The following PCDHGB3 variants were observed in gnomAD, a reference collection of about 807,000 sequenced individuals.
PCDHGB3 encodes the protein protocadherin gamma-B3.
A neutral mutation model predicts 59.2 loss-of-function variants in PCDHGB3; 40 were observed. That is an observed-to-expected ratio of 0.68 (90% CI 0.52 to 0.88). PCDHGB3 has a LOEUF of 0.88. Among genes scored for constraint, PCDHGB3 ranks in the 40% least tolerant of loss-of-function variants. The pLI is 0.00. For synonymous variants in PCDHGB3, 581 were observed against 503.6 expected (o/e 1.15, Z -2.06); for missense variants, 1,309 against 1,187.9 (o/e 1.10, Z -1.50).
chr5:141,431,858 G>T lies in PCDHGB3; in HGVS notation c.2415+59049G>T, dbSNP rs1421209596. On this transcript the variant is annotated intron_variant, in intron 1 of 3. Coordinates refer to ENST00000576222, the MANE Select transcript of PCDHGB3 (RefSeq NM_018924.5). This position sits in a 1 kb window ranked among gnomAD's most constrained non-coding sequence, Gnocchi z 4.8. ...AAACTCTCCCAGAGGGACATTAATTGCCCTTTTAAATGTAAATGACCAAGA... is the reference window on the plus strand; with the variant it reads ...AAACTCTCCCAGAGGGACATTAATTTCCCTTTTAAATGTAAATGACCAAGA... 6.8e-6 allele frequency: 11 copies of T among 1,614,080 alleles called. No homozygotes were observed. The highest frequency in any genetic ancestry group is 8.5e-6 in the Non-Finnish European group (10 of 1,180,028).
chr5:141,389,356 C>T lies in PCDHGB3; in HGVS notation c.2415+16547C>T, dbSNP rs188323445. 2.1e-5 allele frequency: 34 copies of T among 1,613,916 alleles called. No homozygotes were observed. The Middle Eastern group carries it at 1.6e-3, about 78-fold the overall frequency. ...GGCCAAGTCTCTTACTGCATCATGG[C>T]CAGTGACCTGGAGCAGCGGGAGCTG... On this transcript the variant is annotated intron_variant, in intron 1 of 3. Transcript: ENST00000576222.
At chr5:141,412,906 T>G in intron 1 of PCDHGB3, 1 of 384,208 alleles carries the variant, frequency 2.6e-6, no homozygotes, top group Non-Finnish European at 4.6e-6. Context: ...TTCCATTGCA[T>G]GTATCACTTG....
chr5:141,390,392 C>A, intron 1 of PCDHGB3: 1 of 1,390,890 alleles, frequency 7.2e-7, no homozygotes. Flanking sequence ...TGTCATGGAT[C>A]ATTTTAGGAA....
At position 141,493,841 on chromosome 5, in the gene PCDHGB3, T is replaced by C. The variant is rs774682943; in HGVS notation, c.2416-966T>C. On this transcript the variant is annotated intron_variant, in intron 1 of 3. Transcript: ENST00000576222. The surrounding 1 kb of genome is among the most constrained non-coding windows in gnomAD (Gnocchi z 4.3). ...CTCTGCTTCTGGGAGCAAGTATGAGTATTAATTACCAGCCCACCCCAGAAC... is the reference window on the plus strand; with the variant it reads ...CTCTGCTTCTGGGAGCAAGTATGAGCATTAATTACCAGCCCACCCCAGAAC... Among the ~76,000 whole-genome samples the C allele has an allele frequency of 3.3e-5, 5 of 152,140 alleles. No homozygotes were observed. In the East Asian group the frequency reaches 9.7e-4, roughly 29 times the overall value.
intron 1 of PCDHGB3, chr5:141,399,313 A>C: frequency 6.2e-7 from 1 of 1,613,952 alleles, no homozygotes; most frequent in Non-Finnish European, 8.5e-7. Flanking sequence ...TTCATCCAAA[A>C]ATTCGTATAA....
chr5:141,477,970 T>G lies in PCDHGB3; in HGVS notation c.2416-16837T>G. ...TCTTGGGATCCCCTAACCAGAGCCTTTTTGCCATAGGGCTGCACACTGGTC... is the reference window on the plus strand; with the variant it reads ...TCTTGGGATCCCCTAACCAGAGCCTGTTTGCCATAGGGCTGCACACTGGTC... On this transcript the variant is annotated intron_variant, in intron 1 of 3. Coordinates refer to ENST00000576222, the MANE Select transcript of PCDHGB3 (RefSeq NM_018924.5). This position sits in a 1 kb window ranked among gnomAD's most constrained non-coding sequence, Gnocchi z 4.9. 1 of 1,614,090 alleles carries G rather than the reference T, an allele frequency of 6.2e-7. No homozygotes were observed. The highest frequency in any genetic ancestry group is 8.5e-7 in the Non-Finnish European group (1 of 1,180,002).
chr5:141,418,013 A>C (rs769578436), intron 1 of PCDHGB3: 2 of 1,613,906 alleles, frequency 1.2e-6, no homozygotes, highest in African/African-American at 2.7e-5. Flanking sequence ...GAACCTCGCT[A>C]AGGATCTAGG....
At chr5:141,404,241 C>T (rs960579159) in intron 1 of PCDHGB3, 9 of 1,613,576 alleles carry the variant, frequency 5.6e-6, no homozygotes, top group African/African-American at 4.0e-5. Context: ...AGAGGAACTC[C>T]GCCCCTGTCC....
At chr5:141,398,273 A>G (rs1223394149) in intron 1 of PCDHGB3, 1 of 1,414,722 alleles carries the variant, frequency 7.1e-7, no homozygotes, top group Non-Finnish European at 9.6e-7. Flanking sequence ...GTAGTGGGGA[A>G]CCTCGCCACG....
In PCDHGB3 at chr5:141,477,857, C is replaced by A. The variant is rs548674958; in HGVS notation, c.2416-16950C>A. On this transcript the variant is annotated intron_variant, in intron 1 of 3. Transcript: ENST00000576222. The surrounding 1 kb of genome is among the most constrained non-coding windows in gnomAD (Gnocchi z 4.9). ...AGGTGGGAGCTCGGTGGAGATGCTG[C>A]CTCGAGGTACCTCAGCTGGCCACCT... 2.9e-5 allele frequency: 47 copies of A among 1,613,454 alleles called. No individual in the cohort carries two copies. In the South Asian group the frequency reaches 4.9e-4, roughly 17 times the overall value.
chr5:141,377,724 A>T (rs549902283), intron 1 of PCDHGB3: 1 of 152,244 alleles, frequency 6.6e-6, no homozygotes, highest in Non-Finnish European at 1.5e-5. Flanking sequence ...TTTTGAAAAG[A>T]TAAGAATCAT....
intron 1 of PCDHGB3, chr5:141,400,327 G>A: frequency 6.2e-7 from 1 of 1,614,074 alleles, no homozygotes. Context: ...GTCTGGACCT[G>A]TGGTTCCCCC....
chr5:141,390,118 C>A (rs1031170621), intron 1 of PCDHGB3: 2 of 1,613,918 alleles, frequency 1.2e-6, no homozygotes, highest in African/African-American at 2.7e-5. Context: ...AGCGAGGGGA[C>A]TTTGCCTTAT....
chr5:141,380,910 A>G (rs1776848535), intron 1 of PCDHGB3, among the ~76,000 whole-genome samples: 1 of 152,262 alleles, frequency 6.6e-6, no homozygotes, highest in South Asian at 2.1e-4. Context: ...ACAAGTGCTT[A>G]CATTGTTTAA....
chr5:141,408,108 A>T, intron 1 of PCDHGB3: 1 of 1,441,874 alleles, frequency 6.9e-7, no homozygotes, highest in Non-Finnish European at 9.1e-7. Flanking sequence ...GAGACCCGGG[A>T]CTCCTCCTGT....
At chr5:141,449,212 GT>G (rs1405401595) in intron 1 of PCDHGB3, among the ~76,000 whole-genome samples, 1 of 152,134 alleles carries the variant, frequency 6.6e-6, no homozygotes, top group African/African-American at 2.4e-5. Context: ...CTAACTTTCT[GT>G]TTTGAAATGA....
chr5:141,482,591 A>G lies in PCDHGB3; in HGVS notation c.2416-12216A>G, dbSNP rs115650612. Among the ~76,000 whole-genome samples the G allele has an allele frequency of 6.3e-4, 95 of 151,838 alleles. 1 individual carries two copies. The highest frequency in any genetic ancestry group is 2.3e-3 in the African/African-American group (95 of 41,350). On this transcript the variant is annotated intron_variant, in intron 1 of 3. Coordinates refer to ENST00000576222, the MANE Select transcript of PCDHGB3 (RefSeq NM_018924.5). ...ATAGCATAAGATGCAGTGGGACCAA[A>G]CGGGAAAAAACACCTAAATGAGCCT...
rs1004089667 is a variant in PCDHGB3, at chr5:141,497,399, C to G, written c.2474+2534C>G. The stretch of plus-strand genomic sequence containing the variant: ...TGGGGTGAGCACCTTACCCCTGCCT[C>G]AACTCCCATTCCATCAAATGAGAGG... On this transcript the variant is annotated intron_variant, in intron 2 of 3. Coordinates refer to ENST00000576222, the MANE Select transcript of PCDHGB3 (RefSeq NM_018924.5). Among the ~76,000 whole-genome samples the G allele has an allele frequency of 5.9e-5, 9 of 152,146 alleles. 1 individual carries two copies. The highest frequency in any genetic ancestry group is 1.2e-4 in the Non-Finnish European group (8 of 68,034).
At chr5:141,447,837 G>A (rs952923627) in intron 1 of PCDHGB3, among the ~76,000 whole-genome samples, 10 of 152,170 alleles carry the variant, frequency 6.6e-5, no homozygotes, top group African/African-American at 2.4e-4. Flanking sequence ...TGTAATCCCA[G>A]TGCTTTGGGA....
Sources: allele counts gnomAD v4.1 joint callset (sites outside exome capture counted in the v4.1 genomes callset), GRCh38; gene constraint gnomAD v4.1.1; non-coding constraint Gnocchi (gnomAD v3.1); transcripts MANE v1.5; gene names NCBI Gene and HGNC (gene_info 2026-07-23, HGNC 2026-07-21).